Variants in CNTN3 observed in about 807,000 individuals in gnomAD.
The protein encoded by CNTN3 is contactin-3.
CNTN3 carries 60 observed loss-of-function variants against 119.1 expected under a neutral mutation model. The ratio of observed to expected loss-of-function variants is 0.50; its 90% CI spans 0.41 to 0.62. The LOEUF is 0.62. CNTN3 is among the 20% of genes least tolerant of loss of function. The pLI, the probability that CNTN3 is intolerant of heterozygous loss-of-function variation, is 0.00. For missense variants in CNTN3, 1,101 were observed against 1,242.4 expected, an observed-to-expected ratio of 0.89 and a Z score of 1.71; for synonymous variants, 450 against 438.7, an observed-to-expected ratio of 1.03 and a Z score of -0.32.
In CNTN3 at chr3:74,285,447, C is replaced by A; in HGVS notation, c.2562G>T (p.Lys854Asn). 6.2e-7 allele frequency: 1 copy of A among 1,612,926 alleles called. No individual in the cohort carries two copies. The highest frequency in any genetic ancestry group is 8.5e-7 in the Non-Finnish European group (1 of 1,179,502). The change falls in exon 20 of 23, where the codon AAG (lysine) becomes AAT (asparagine). Residue 854 changes from lysine to asparagine, a missense_variant. Physicochemically the swap from Lys to Asn is moderately conservative, Grantham distance 94. Transcript: ENST00000263665. The part of the protein sequence containing the change: ...NGGGKEESSS[K>N]MKVAGNETSA... ...ATGTCTCATTTCCTGCCACTTTCAT[C>A]TTACTGGATGATTCCTCCTTTCCAC...
chr3:74,416,906 T>G (rs1008010180), intron 5 of CNTN3, among the ~76,000 whole-genome samples: 5 of 151,866 alleles, frequency 3.3e-5, no homozygotes, highest in Non-Finnish European at 4.4e-5. Context: ...GAGAATTGCT[T>G]GAACCCGGGA....
At chr3:74,356,965 C>G (rs1399695176) in intron 11 of CNTN3, among the ~76,000 whole-genome samples, 6 of 152,070 alleles carry the variant, frequency 3.9e-5, no homozygotes, top group Non-Finnish European at 7.4e-5. Flanking sequence ...GCTCTGTCGC[C>G]CAGGCTGGAG....
intron 5 of CNTN3, among the ~76,000 whole-genome samples, chr3:74,375,128 T>C (rs1704447037): frequency 6.6e-6 from 1 of 152,184 alleles, no homozygotes; most frequent in Admixed American, 6.5e-5. Context: ...AATAATCCAA[T>C]GATCTTCCTC....
At chr3:74,503,398 T>C (rs1386734449) in intron 2 of CNTN3, among the ~76,000 whole-genome samples, 2 of 152,086 alleles carry the variant, frequency 1.3e-5, no homozygotes, top group African/African-American at 4.8e-5. Context: ...TGACGCCTCT[T>C]AAAAAGTAAG....
intron 1 of CNTN3, among the ~76,000 whole-genome samples, chr3:74,560,073 T>C (rs900672975): frequency 6.6e-5 from 10 of 152,178 alleles, no homozygotes; most frequent in East Asian, 1.9e-4. Flanking sequence ...GATGTCAATA[T>C]ACGGTATCAG....
intron 13 of CNTN3, among the ~76,000 whole-genome samples, chr3:74,319,154 G>A (rs1380260555): frequency 1.3e-5 from 2 of 151,990 alleles, no homozygotes; most frequent in Non-Finnish European, 2.9e-5. Flanking sequence ...TCACAGAATT[G>A]GAAAAAACTA....
intron 5 of CNTN3, among the ~76,000 whole-genome samples, chr3:74,378,878 T>G (rs1704544108): frequency 6.6e-6 from 1 of 152,150 alleles, no homozygotes; most frequent in African/African-American, 2.4e-5. Context: ...GTGTCCTAAC[T>G]CCTACACGAA....
At chr3:74,488,008 TTATA>T (rs1235653166) in intron 3 of CNTN3, among the ~76,000 whole-genome samples, 1 of 148,732 alleles carries the variant, frequency 6.7e-6, no homozygotes, top group Non-Finnish European at 1.5e-5. Context: ...TTTTATATAT[TTATA>T]TATAATTATA....
intron 19 of CNTN3, among the ~76,000 whole-genome samples, chr3:74,294,412 C>A (rs1030886314): frequency 2.6e-5 from 4 of 152,112 alleles, no homozygotes; most frequent in Admixed American, 6.5e-5. Context: ...CAAACAGGAA[C>A]CTTTGGCAGG....
intron 11 of CNTN3, among the ~76,000 whole-genome samples, chr3:74,338,705 G>A (rs1435503551): frequency 6.6e-6 from 1 of 152,042 alleles, no homozygotes; most frequent in African/African-American, 2.4e-5. Context: ...CCTGGGTACA[G>A]CTATCTATTA....
intron 11 of CNTN3, among the ~76,000 whole-genome samples, chr3:74,358,197 T>C (rs1214579083): frequency 6.6e-6 from 1 of 152,220 alleles, no homozygotes; most frequent in Non-Finnish European, 1.5e-5. Context: ...CTAAGGAGGA[T>C]TGGAACACCA....
intron 4 of CNTN3, among the ~76,000 whole-genome samples, chr3:74,433,371 G>A (rs1701815825): frequency 6.6e-6 from 1 of 151,866 alleles, no homozygotes. Flanking sequence ...ACCACAAACA[G>A]ATTTTTTCCT....
chr3:74,397,246 A>T (rs1705079166), intron 5 of CNTN3, among the ~76,000 whole-genome samples: 1 of 152,232 alleles, frequency 6.6e-6, no homozygotes, highest in Admixed American at 6.5e-5. Context: ...GCAATGGTTT[A>T]CCAAATATTT....
chr3:74,404,291 A>G (rs1250763943), intron 5 of CNTN3, among the ~76,000 whole-genome samples: 1 of 152,102 alleles, frequency 6.6e-6, no homozygotes, highest in Non-Finnish European at 1.5e-5. Flanking sequence ...GGAACTTACA[A>G]ACATTTTTTT....
chr3:74,482,565 G>T (rs1157066333), intron 4 of CNTN3, among the ~76,000 whole-genome samples: 1 of 152,002 alleles, frequency 6.6e-6, no homozygotes, highest in Non-Finnish European at 1.5e-5. Context: ...TTTTTCACTA[G>T]TGTTAAAAGT....
intron 20 of CNTN3, among the ~76,000 whole-genome samples, chr3:74,272,072 A>G (rs1701788225): frequency 6.6e-6 from 1 of 152,224 alleles, no homozygotes; most frequent in African/African-American, 2.4e-5. Context: ...GAACACTTAC[A>G]ATTGTCTAGA....
chr3:74,281,207 G>A (rs1002529433), intron 20 of CNTN3, among the ~76,000 whole-genome samples: 1 of 152,166 alleles, frequency 6.6e-6, no homozygotes, highest in African/African-American at 2.4e-5. Flanking sequence ...TTATCAGGAT[G>A]TCAAGGCAAA....
rs112344240 is a variant in CNTN3, at chr3:74,487,303, A to G, written c.183-672T>C. 2.3e-3 allele frequency among the ~76,000 whole-genome samples: 344 copies of G among 152,280 alleles called. 2 individuals are homozygous for G. The highest frequency in any genetic ancestry group is 7.9e-3 in the African/African-American group (330 of 41,560). Reference sequence around the variant, plus strand: ...TTTTTAAATAAGAGGTTTTAAGCTGAAAGTTTTTAAACAGTAAGTATGCTT... The same window carrying G: ...TTTTTAAATAAGAGGTTTTAAGCTGGAAGTTTTTAAACAGTAAGTATGCTT... On this transcript the variant is annotated intron_variant, in intron 3 of 22. Transcript: ENST00000263665.
intron 5 of CNTN3, among the ~76,000 whole-genome samples, chr3:74,388,690 G>A (rs536418613): frequency 3.3e-5 from 5 of 151,578 alleles, no homozygotes; most frequent in South Asian, 2.1e-4. Context: ...TTCTTCACAG[G>A]GCATCCCACA....
Sources: gnomAD v4.1 joint callset for allele counts (sites outside exome capture counted in the v4.1 genomes callset) on GRCh38, gnomAD v4.1.1 for gene constraint, MANE v1.5 for transcripts, NCBI Gene and HGNC (gene_info 2026-07-23, HGNC 2026-07-21) for gene names.